Variants in LDLRAD4 observed in about 807,000 individuals in gnomAD.
LDLRAD4 encodes low-density lipoprotein receptor class A domain-containing protein 4.
A neutral mutation model predicts 17.0 loss-of-function variants in LDLRAD4; 5 were observed. The ratio of observed to expected loss-of-function variants is 0.29; its 90% CI spans 0.15 to 0.62. The LOEUF (loss-of-function observed/expected upper bound fraction) is 0.62. LDLRAD4 is among the 20% of genes least tolerant of loss of function. The pLI is 0.84. For synonymous variants in LDLRAD4, 168 were observed against 171.8 expected (o/e 0.98, Z 0.17); for missense variants, 340 against 424.7 (o/e 0.80, Z 1.75).
intron 1 of LDLRAD4, among the ~76,000 whole-genome samples, chr18:13,223,079 T>G (rs2145352668): frequency 6.6e-6 from 1 of 152,338 alleles, no homozygotes; most frequent in African/African-American, 2.4e-5. Context: ...ATGAACTTAA[T>G]GGTCTTGCCC....
chr18:13,376,951 C>T (rs539641334), intron 1 of LDLRAD4, among the ~76,000 whole-genome samples: 1 of 152,350 alleles, frequency 6.6e-6, no homozygotes, highest in Non-Finnish European at 1.5e-5. Flanking sequence ...AGAGACCAGG[C>T]AGCCTTCCCC....
chr18:13,486,609 G>T (rs1386758603), intron 3 of LDLRAD4: 1 of 152,248 alleles, frequency 6.6e-6, no homozygotes, highest in East Asian at 1.9e-4. Context: ...TGCGCTTGAG[G>T]AAAGAGTGCA....
At chr18:13,582,806 A>G (rs1463250099) in intron 3 of LDLRAD4, among the ~76,000 whole-genome samples, 1 of 152,242 alleles carries the variant, frequency 6.6e-6, no homozygotes, top group Non-Finnish European at 1.5e-5. Context: ...TCGACCTCCC[A>G]GGCGCAAGCA....
At chr18:13,603,577 C>T (rs763282412) in intron 3 of LDLRAD4, among the ~76,000 whole-genome samples, 12 of 152,228 alleles carry the variant, frequency 7.9e-5, no homozygotes, top group Non-Finnish European at 1.6e-4. Context: ...GAATTCATCT[C>T]ATGATAGTTG....
chr18:13,471,623 C>G (rs932986499), intron 3 of LDLRAD4: 2 of 152,442 alleles, frequency 1.3e-5, no homozygotes, highest in Admixed American at 6.5e-5. Flanking sequence ...GCCTGGAGCA[C>G]TGGAGGGCTC....
chr18:13,331,840 A>G (rs1340515630), intron 1 of LDLRAD4, among the ~76,000 whole-genome samples: 1 of 152,208 alleles, frequency 6.6e-6, no homozygotes, highest in African/African-American at 2.4e-5. Context: ...CTAGAGAAGT[A>G]TAAGTATCTT....
chr18:13,380,513 C>T (rs1398162055), intron 1 of LDLRAD4, among the ~76,000 whole-genome samples: 1 of 152,162 alleles, frequency 6.6e-6, no homozygotes, highest in Non-Finnish European at 1.5e-5. Flanking sequence ...GCACAGGGGT[C>T]GGATATATGA....
intron 3 of LDLRAD4, among the ~76,000 whole-genome samples, chr18:13,525,616 G>A (rs868092706): frequency 3.9e-5 from 6 of 152,246 alleles, no homozygotes; most frequent in Non-Finnish European, 8.8e-5. Context: ...GGCATCTGCC[G>A]GGGTGACCCA....
intron 1 of LDLRAD4, among the ~76,000 whole-genome samples, chr18:13,329,888 T>A (rs749783137): frequency 1.1e-4 from 17 of 152,220 alleles, no homozygotes; most frequent in Non-Finnish European, 2.2e-4. Flanking sequence ...TAACCATTAT[T>A]CTTTTAATTA....
intron 2 of LDLRAD4, among the ~76,000 whole-genome samples, chr18:13,397,357 A>G (rs1309642000): frequency 6.6e-6 from 1 of 152,088 alleles, no homozygotes; most frequent in Non-Finnish European, 1.5e-5. Context: ...GTTAGCCAGG[A>G]TGGTCTCTAT....
intron 2 of LDLRAD4, among the ~76,000 whole-genome samples, chr18:13,431,579 G>A (rs1352759605): frequency 2.0e-5 from 3 of 152,132 alleles, no homozygotes; most frequent in Non-Finnish European, 4.4e-5. Flanking sequence ...TTAAGAGCAC[G>A]TTGTTGCATG....
At chr18:13,352,529 G>A (rs959365623) in intron 1 of LDLRAD4, among the ~76,000 whole-genome samples, 1 of 151,878 alleles carries the variant, frequency 6.6e-6, no homozygotes, top group African/African-American at 2.4e-5. Flanking sequence ...TAAAAGATTC[G>A]GTCTTTTGAC....
At chr18:13,477,361 G>T (rs907724344) in intron 3 of LDLRAD4, among the ~76,000 whole-genome samples, 40 of 152,220 alleles carry the variant, frequency 2.6e-4, no homozygotes, top group Admixed American at 2.6e-3. Context: ...GCATCCAGCA[G>T]CAGGTCCTCT....
At chr18:13,380,677 AG>A (rs1285550015) in intron 1 of LDLRAD4, among the ~76,000 whole-genome samples, 5 of 152,262 alleles carry the variant, frequency 3.3e-5, no homozygotes, top group Admixed American at 1.3e-4. Flanking sequence ...GGATTTGTCA[AG>A]GTGACATTTT....
intron 1 of LDLRAD4, among the ~76,000 whole-genome samples, chr18:13,270,623 G>A (rs1004737046): frequency 3.3e-5 from 5 of 152,224 alleles, no homozygotes; most frequent in Non-Finnish European, 5.9e-5. Context: ...TACAGATGGG[G>A]TGAGTTCTGT....
At chr18:13,374,460 T>C (rs1320735645) in intron 1 of LDLRAD4, among the ~76,000 whole-genome samples, 1 of 152,238 alleles carries the variant, frequency 6.6e-6, no homozygotes, top group Non-Finnish European at 1.5e-5. Context: ...CAGCATCCCC[T>C]GGGAGCTGGT....
rs528995068 is a variant in LDLRAD4, at chr18:13,230,300, G to A, written c.-467+11312G>A. The stretch of plus-strand genomic sequence containing the variant: ...TAAATGACCCCATTGAAGGTATTTC[G>A]TTACAGCAGCACGGCTGGACTGAGA... On this transcript the variant is annotated intron_variant, in intron 1 of 5. Coordinates refer to the LDLRAD4 transcript ENST00000399848. Among the ~76,000 whole-genome samples the A allele has an allele frequency of 9.2e-5, 14 of 152,260 alleles. No homozygotes were observed. In the South Asian group the frequency reaches 2.3e-3, roughly 25 times the overall value.
exon 6 of LDLRAD4, chr18:13,648,313 G>A (rs960800664): frequency 6.6e-5 from 10 of 152,188 alleles, no homozygotes; most frequent in African/African-American, 2.4e-4. Context: ...CAAGAAAGAG[G>A]CTCCTCCCAT....
intron 1 of LDLRAD4, among the ~76,000 whole-genome samples, chr18:13,232,096 C>CTT (rs2042106664): frequency 6.6e-6 from 1 of 152,222 alleles, no homozygotes. Flanking sequence ...GAGGGGGCAC[C>CTT]CCGTGAAGCT....
Sources: allele counts gnomAD v4.1 joint callset (sites outside exome capture counted in the v4.1 genomes callset), GRCh38; gene constraint gnomAD v4.1.1; transcripts MANE v1.5; gene names NCBI Gene and HGNC (gene_info 2026-07-23, HGNC 2026-07-21).